The following NTRK2 variants were observed in gnomAD, a reference collection of about 807,000 sequenced individuals.
The protein encoded by NTRK2 is BDNF/NT-3 growth factors receptor.
In NTRK2, 13 loss-of-function variants were observed where a neutral mutation model predicts 94.5. That is an observed-to-expected ratio of 0.14 (90% CI 0.09 to 0.22). The LOEUF (loss-of-function observed/expected upper bound fraction) is 0.22. Ranked by LOEUF, NTRK2 falls within the 10% of genes least tolerant of loss-of-function variation. NTRK2 has a pLI of 1.00. For synonymous variants in NTRK2, 372 were observed against 407.4 expected (o/e 0.91, Z 1.05); for missense variants, 639 against 1,071.2 (o/e 0.60, Z 5.63).
intron 12 of NTRK2, among the ~76,000 whole-genome samples, chr9:84,760,183 C>T (rs1034434227): frequency 3.3e-5 from 5 of 152,216 alleles, no homozygotes; most frequent in Non-Finnish European, 7.3e-5. Context: ...TGCTGGTCAT[C>T]ATTTTGGGCA....
At chr9:84,910,297 G>C (rs2077201494) in intron 14 of NTRK2, among the ~76,000 whole-genome samples, 1 of 152,134 alleles carries the variant, frequency 6.6e-6, no homozygotes, top group Admixed American at 6.5e-5. Context: ...TCTGAAACCA[G>C]TATCATCAGG....
At chr9:85,019,998 A>T (rs1419227166) in intron 17 of NTRK2, among the ~76,000 whole-genome samples, 10 of 152,218 alleles carry the variant, frequency 6.6e-5, no homozygotes, top group Non-Finnish European at 1.3e-4. Flanking sequence ...AGAATTGCAG[A>T]TAATATTTTT....
chr9:84,703,563 A>G (rs1343466759), intron 4 of NTRK2, among the ~76,000 whole-genome samples: 1 of 152,132 alleles, frequency 6.6e-6, no homozygotes, highest in Non-Finnish European at 1.5e-5. Flanking sequence ...CAGTTCCCCA[A>G]CTGATTTCCA....
intron 2 of NTRK2, among the ~76,000 whole-genome samples, chr9:84,685,402 C>T (rs1390234434): frequency 6.7e-6 from 1 of 149,454 alleles, no homozygotes; most frequent in Admixed American, 6.7e-5. Context: ...TAGTGTCTTA[C>T]TCATCAGTCT....
In NTRK2 at chr9:84,730,783, C is replaced by CAAAAAAAAAAAAAAAAAA; in HGVS notation, c.1159+2832_1159+2849dup. ...AAACTAAAGAAAAATAAACAAATAGCAAAAAAAAAAAAAAAAAAAAAAAAA... is the reference window on the plus strand; with the variant it reads ...AAACTAAAGAAAAATAAACAAATAGCAAAAAAAAAAAAAAAAAAAAAAAAAAAAAAAAAAAAAAAAAAA... On this transcript the variant is annotated intron_variant, in intron 9 of 18. Coordinates refer to ENST00000277120, the MANE Select transcript of NTRK2 (RefSeq NM_006180.6). Among the ~76,000 whole-genome samples the CAAAAAAAAAAAAAAAAAA allele has an allele frequency of 1.7e-4, 4 of 24,142 alleles. 1 individual carries two copies. The highest frequency in any genetic ancestry group is 2.7e-4 in the Non-Finnish European group (4 of 15,034). The allele number at this position is 24,142 out of a possible 152,430, so 15.8% of individuals were successfully genotyped here. A position where few individuals can be genotyped will look rare whatever the true frequency, so the allele number is the denominator to read the frequency against.
Position 84,710,661 on chromosome 9 carries a change from A to C in NTRK2, c.453A>C (p.Thr151=). 1 of 1,614,150 alleles carries C rather than the reference A, an allele frequency of 6.2e-7. No individual in the cohort carries two copies. ...GGATCCTGGTGGGCAATCCATTTAC[A>C]TGCTCCTGTGACATTATGTGGATCA... is the stretch of plus-strand genomic sequence containing the variant. The part of the protein sequence containing the change: ...SELILVGNPF[T]CSCDIMWIKT... The change falls in exon 6 of 19, where the codon ACA becomes ACC. Residue 151 remains threonine, a synonymous_variant. Coordinates refer to ENST00000277120, the MANE Select transcript of NTRK2 (RefSeq NM_006180.6).
chr9:85,004,352 A>G (rs528499419), intron 17 of NTRK2, among the ~76,000 whole-genome samples: 1 of 152,234 alleles, frequency 6.6e-6, no homozygotes, highest in East Asian at 1.9e-4. Flanking sequence ...CATTCTTGGG[A>G]GTATTCTTGT....
At chr9:84,940,769 A>G (rs1477145813) in intron 15 of NTRK2, among the ~76,000 whole-genome samples, 3 of 152,172 alleles carry the variant, frequency 2.0e-5, no homozygotes, top group East Asian at 1.9e-4. Context: ...AAAAGCATCA[A>G]GAGTTAGTTG....
intron 1 of NTRK2, 27 bp from the exon 2 acceptor site, chr9:84,670,350 G>C (rs563746574): frequency 2.7e-6 from 1 of 368,052 alleles, no homozygotes; most frequent in African/African-American, 2.1e-5. Context: ...CCTACGCTCA[G>C]TCTTACGCGT....
At chr9:84,903,806 G>A (rs1461006163) in intron 14 of NTRK2, among the ~76,000 whole-genome samples, 2 of 150,738 alleles carry the variant, frequency 1.3e-5, no homozygotes, top group Non-Finnish European at 2.9e-5. Context: ...CTCTTTTACT[G>A]TAATAGGGAA....
At chr9:84,742,816 TCCGAGACGGAGTCTCAC>T (rs1564170623) in intron 10 of NTRK2, among the ~76,000 whole-genome samples, 43 of 136,726 alleles carry the variant, frequency 3.1e-4, no homozygotes, top group South Asian at 4.6e-4. Context: ...TTTTTTTTTT[TCCGAGACGGAGTCTCAC>T]TTTGTTGCCC....
chr9:84,774,813 TAG>T (rs1269503593), intron 12 of NTRK2, among the ~76,000 whole-genome samples: 1 of 152,070 alleles, frequency 6.6e-6, no homozygotes, highest in African/African-American at 2.4e-5. Context: ...AATGAGAAAC[TAG>T]CGCATGGAAT....
intron 17 of NTRK2, among the ~76,000 whole-genome samples, chr9:85,008,390 C>T (rs951661264): frequency 6.7e-6 from 1 of 150,326 alleles, no homozygotes. Context: ...TTTTTCATGG[C>T]AAAAACCGCA....
At chr9:84,927,885 G>A (rs2077879194) in intron 14 of NTRK2, among the ~76,000 whole-genome samples, 1 of 152,110 alleles carries the variant, frequency 6.6e-6, no homozygotes, top group South Asian at 2.1e-4. Context: ...CTTGGAAAAG[G>A]ATAAGTAAGT....
chr9:84,896,677 C>G (rs73476432), intron 14 of NTRK2, among the ~76,000 whole-genome samples: 4,994 of 152,248 alleles, frequency 0.033, 315 homozygotes, highest in African/African-American at 0.11. Context: ...TCCCCTATGG[C>G]TTACGACTGT....
At chr9:84,952,897 C>T (rs1047876803) in intron 16 of NTRK2, among the ~76,000 whole-genome samples, 3 of 152,120 alleles carry the variant, frequency 2.0e-5, no homozygotes, top group Admixed American at 6.5e-5. Flanking sequence ...TGGAGTCTTG[C>T]CTCTGAGAGA....
chr9:84,741,677 T>G (rs555103633), intron 9 of NTRK2, among the ~76,000 whole-genome samples: 1 of 152,206 alleles, frequency 6.6e-6, no homozygotes, highest in Non-Finnish European at 1.5e-5. Flanking sequence ...TTTGTTTTCT[T>G]TTTTGGAGGG....
intron 14 of NTRK2, among the ~76,000 whole-genome samples, chr9:84,885,386 C>T (rs978759674): frequency 6.6e-6 from 1 of 152,144 alleles, no homozygotes; most frequent in African/African-American, 2.4e-5. Flanking sequence ...GAATGGCTAT[C>T]ATACAAACAC....
At chr9:84,709,485 A>G (rs910135349) in intron 5 of NTRK2, among the ~76,000 whole-genome samples, 1 of 151,976 alleles carries the variant, frequency 6.6e-6, no homozygotes, top group African/African-American at 2.4e-5. Context: ...TGTTGGAGGG[A>G]TACTTGGAGG....
Sources: gnomAD v4.1 joint callset for allele counts (sites outside exome capture counted in the v4.1 genomes callset) on GRCh38, gnomAD v4.1.1 for gene constraint, MANE v1.5 for transcripts, NCBI Gene and HGNC (gene_info 2026-07-23, HGNC 2026-07-21) for gene names.